Variants in YAP1 observed in about 807,000 individuals in gnomAD.
YAP1 encodes Yes1 associated transcriptional regulator.
In YAP1, 5 loss-of-function variants were observed where a neutral mutation model predicts 56.9. The ratio of observed to expected loss-of-function variants is 0.09; its 90% CI spans 0.05 to 0.18. The LOEUF (loss-of-function observed/expected upper bound fraction) is 0.18, where lower values mean the gene tolerates loss of function less well. YAP1 is among the 10% of genes least tolerant of loss of function. The pLI is 1.00. For missense variants in YAP1, 539 were observed against 651.8 expected, an observed-to-expected ratio of 0.83 and a Z score of 1.88; for synonymous variants, 265 against 248.1, an observed-to-expected ratio of 1.07 and a Z score of -0.64.
chr11:102,188,276 C>G (rs191224845), intron 4 of YAP1, among the ~76,000 whole-genome samples: 15 of 152,260 alleles, frequency 9.9e-5, no homozygotes, highest in African/African-American at 3.1e-4. Context: ...TTCTTCAAAT[C>G]TATATTAAAA....
At chr11:102,120,895 A>G (rs1943607654) in intron 2 of YAP1, among the ~76,000 whole-genome samples, 1 of 152,246 alleles carries the variant, frequency 6.6e-6, no homozygotes, top group African/African-American at 2.4e-5. Context: ...ACTGACTAAT[A>G]AGGAGCAGGC....
chr11:102,200,540 G>A (rs1215571734), intron 4 of YAP1, among the ~76,000 whole-genome samples: 2 of 150,974 alleles, frequency 1.3e-5, no homozygotes, highest in Admixed American at 1.3e-4. Context: ...TGCCCCCCGT[G>A]TTCAAGTGAT....
intron 2 of YAP1, among the ~76,000 whole-genome samples, chr11:102,143,945 G>A (rs1945169951): frequency 6.6e-6 from 1 of 152,212 alleles, no homozygotes; most frequent in African/African-American, 2.4e-5. Context: ...TTCTTTCATA[G>A]TACCTGATTA....
chr11:102,185,559 A>T (rs912627479), intron 3 of YAP1, among the ~76,000 whole-genome samples: 19 of 152,186 alleles, frequency 1.2e-4, no homozygotes, highest in Non-Finnish European at 2.6e-4. Context: ...CTTAGCTAAA[A>T]TGTGCTTTAT....
intron 2 of YAP1, among the ~76,000 whole-genome samples, chr11:102,151,309 G>A (rs745812151): frequency 6.6e-6 from 1 of 152,070 alleles, no homozygotes; most frequent in Non-Finnish European, 1.5e-5. Context: ...CATTTAAGTG[G>A]TACAGAAATC....
intron 1 of YAP1, among the ~76,000 whole-genome samples, chr11:102,111,815 C>T (rs1942941788): frequency 6.6e-6 from 1 of 152,046 alleles, no homozygotes; most frequent in Non-Finnish European, 1.5e-5. Flanking sequence ...TCTTTCTTTC[C>T]TTCCCCCCTC....
chr11:102,225,884 A>G (rs780564375), intron 7 of YAP1, among the ~76,000 whole-genome samples: 1 of 152,168 alleles, frequency 6.6e-6, no homozygotes, highest in Non-Finnish European at 1.5e-5. Flanking sequence ...AATGCCTGTC[A>G]TGTAGTAGCA....
At chr11:102,178,095 A>G (rs562118645) in intron 3 of YAP1, among the ~76,000 whole-genome samples, 7 of 152,284 alleles carry the variant, frequency 4.6e-5, no homozygotes, top group Non-Finnish European at 5.9e-5. Flanking sequence ...TAGTACCTCC[A>G]TCGTAGGGTT....
chr11:102,169,857 C>T (rs1195923338), intron 3 of YAP1, among the ~76,000 whole-genome samples: 1 of 152,078 alleles, frequency 6.6e-6, no homozygotes, highest in Non-Finnish European at 1.5e-5. Context: ...TGGAAACAAC[C>T]ACCATTTTTC....
At chr11:102,203,494 T>C (rs1948979209) in intron 4 of YAP1, among the ~76,000 whole-genome samples, 1 of 152,190 alleles carries the variant, frequency 6.6e-6, no homozygotes, top group Admixed American at 6.5e-5. Context: ...GAAATACATG[T>C]TAAAATTATG....
chr11:102,218,784 A>G (rs1949779684), intron 6 of YAP1, among the ~76,000 whole-genome samples: 1 of 152,214 alleles, frequency 6.6e-6, no homozygotes, highest in African/African-American at 2.4e-5. Context: ...TCTCTAAGTT[A>G]TCTTTCTTTA....
chr11:102,144,944 C>A (rs1762051966), intron 2 of YAP1, among the ~76,000 whole-genome samples: 1 of 152,050 alleles, frequency 6.6e-6, no homozygotes, highest in South Asian at 2.1e-4. Flanking sequence ...TCTCCTTCTC[C>A]TTCCCTCCCT....
chr11:102,223,876 A>T, intron 7 of YAP1, 124 bp downstream of exon 7: 3 of 1,271,468 alleles, frequency 2.4e-6, no homozygotes, highest in Non-Finnish European at 3.3e-6. Context: ...CTGTAAATGA[A>T]TCTCTCTGTA....
chr11:102,118,159 G>C lies in YAP1; in HGVS notation c.572+3765G>C, dbSNP rs1031373623. 2.0e-5 allele frequency among the ~76,000 whole-genome samples: 3 copies of C among 152,148 alleles called. No homozygotes were observed. The East Asian group carries it at 5.8e-4, about 29-fold the overall frequency. On this transcript the variant is annotated intron_variant, in intron 2 of 8. Coordinates refer to ENST00000282441, the MANE Select transcript of YAP1 (RefSeq NM_001130145.3). ...GGAATCTGGATCAGTGATTTTAAAA[G>C]TTTGTACATTTGCATTGTTTTAATA... is the stretch of plus-strand genomic sequence containing the variant.
intron 2 of YAP1, among the ~76,000 whole-genome samples, chr11:102,127,248 G>A (rs745418791): frequency 1.3e-5 from 2 of 152,210 alleles, no homozygotes; most frequent in Non-Finnish European, 2.9e-5. Flanking sequence ...TCCAGGCCAT[G>A]TCAGAGACTT....
intron 7 of YAP1, among the ~76,000 whole-genome samples, chr11:102,226,244 T>C (rs573301750): frequency 7.8e-4 from 119 of 152,324 alleles, no homozygotes; most frequent in African/African-American, 2.7e-3. Flanking sequence ...GTGTGTTTTC[T>C]TGGATCTGTG....
chr11:102,127,761 C>T (rs1429255776), intron 2 of YAP1, among the ~76,000 whole-genome samples: 3 of 152,208 alleles, frequency 2.0e-5, no homozygotes, highest in Admixed American at 2.0e-4. Flanking sequence ...GCTGCAGGCA[C>T]TCAGTGCCAG....
intron 5 of YAP1, among the ~76,000 whole-genome samples, chr11:102,209,010 G>T (rs1949260717): frequency 6.6e-6 from 1 of 152,070 alleles, no homozygotes. Context: ...TCCTTTAAAG[G>T]TAACTTCTTT....
At chr11:102,139,718 T>TAC (rs1944895013) in intron 2 of YAP1, among the ~76,000 whole-genome samples, 1 of 152,112 alleles carries the variant, frequency 6.6e-6, no homozygotes, top group South Asian at 2.1e-4. Flanking sequence ...CAGTTTTACT[T>TAC]ACGCTTATAA....
Sources: gnomAD v4.1 joint callset for allele counts (sites outside exome capture counted in the v4.1 genomes callset) on GRCh38, gnomAD v4.1.1 for gene constraint, MANE v1.5 for transcripts, NCBI Gene and HGNC (gene_info 2026-07-23, HGNC 2026-07-21) for gene names.